TPM3: variants seen among roughly 807,000 people sequenced by gnomAD.
TPM3 encodes tropomyosin 3.
TPM3 carries 16 observed loss-of-function variants against 43.1 expected under a neutral mutation model. That is an observed-to-expected ratio of 0.37 (90% CI 0.25 to 0.56). The LOEUF is 0.56. Ranked by LOEUF, TPM3 falls within the 20% of genes least tolerant of loss-of-function variation. The pLI is 0.77. For synonymous variants in TPM3, 101 were observed against 116.9 expected (o/e 0.86, Z 0.88); for missense variants, 176 against 337.2 (o/e 0.52, Z 3.74).
chr1:154,156,142 G>C (rs1659786139), downstream of TPM3: 1 of 172,412 alleles, frequency 5.8e-6, no homozygotes, highest in Admixed American at 6.4e-5. Context: ...TGAGGCAGGA[G>C]AATCTCTTGA....
At chr1:154,191,139 A>G (rs756363504) in intron 2 of TPM3, 47 bp downstream of exon 2, 6 of 1,613,794 alleles carry the variant, frequency 3.7e-6, no homozygotes, top group Non-Finnish European at 4.2e-6. Context: ...TAACATAAAG[A>G]TCTATATGTG....
intron 2 of TPM3, among the ~76,000 whole-genome samples, chr1:154,188,866 C>G (rs1663535167): frequency 6.6e-6 from 1 of 151,170 alleles, no homozygotes; most frequent in African/African-American, 2.5e-5. Context: ...CATGGTGGCT[C>G]ACATCTGTAA....
At chr1:154,174,429 G>C (rs1315147028) in intron 3 of TPM3, among the ~76,000 whole-genome samples, 1 of 99,938 alleles carries the variant, frequency 1.0e-5, no homozygotes, top group African/African-American at 3.9e-5. Context: ...TCCCATCCCA[G>C]CTTCCCCAAA....
chr1:154,171,561 T>C (rs976813093), intron 5 of TPM3, 73 bp from the exon 6 acceptor site: 13 of 1,508,902 alleles, frequency 8.6e-6, no homozygotes, highest in Middle Eastern at 1.7e-4. Context: ...GAGAGACACA[T>C]AGACGTGAAT....
At chr1:154,172,691 C>T (rs1661737032) in intron 5 of TPM3, 2 of 624,832 alleles carry the variant, frequency 3.2e-6, no homozygotes, top group Non-Finnish European at 2.8e-6. Flanking sequence ...ACCCTACCAA[C>T]AAAAAATAAG....
Position 154,181,347 on chromosome 1 carries a change from C to CA in TPM3, c.244-5100dup, listed in dbSNP as rs924410437. ...TTCTGAAATCCACCCCTCCCCCTCCCAAAAACATTCTCAGTTATTTCCCAG... is the reference window on the plus strand; with the variant it reads ...TTCTGAAATCCACCCCTCCCCCTCCCAAAAAACATTCTCAGTTATTTCCCAG... On this transcript the variant is annotated intron_variant, in intron 2 of 9. Transcript: ENST00000651641. 2.6e-5 allele frequency among the ~76,000 whole-genome samples: 4 copies of CA among 152,260 alleles called. No individual in the cohort carries two copies. In the South Asian group the frequency reaches 6.2e-4, roughly 24 times the overall value.
At chr1:154,172,714 G>A (rs1163433515) in intron 5 of TPM3, 194 bp downstream of exon 5, 3 of 687,798 alleles carry the variant, frequency 4.4e-6, no homozygotes, top group Non-Finnish European at 7.7e-6. Flanking sequence ...AGCCTCTTTT[G>A]TCACTTGTCA....
intron 9 of TPM3, among the ~76,000 whole-genome samples, chr1:154,168,729 T>C (rs1019521602): frequency 1.3e-5 from 2 of 152,208 alleles, no homozygotes; most frequent in African/African-American, 4.8e-5. Context: ...TTTTGCCATG[T>C]TGGCCAGGCT....
downstream of TPM3, among the ~76,000 whole-genome samples, chr1:154,160,383 TTGAC>T (rs1255478227): frequency 1.3e-5 from 2 of 152,220 alleles, no homozygotes; most frequent in Admixed American, 6.5e-5. Flanking sequence ...TCTCCCCAGA[TTGAC>T]TGGGAAGCTA....
chr1:154,182,982 C>A, intron 2 of TPM3: 1 of 1,611,024 alleles, frequency 6.2e-7, no homozygotes, highest in Non-Finnish European at 8.5e-7. Flanking sequence ...CTCACCATCT[C>A]CGTACCTGTT....
chr1:154,179,287 AAGGCGG>A (rs1177375139), intron 2 of TPM3, among the ~76,000 whole-genome samples: 1 of 152,210 alleles, frequency 6.6e-6, no homozygotes, highest in Non-Finnish European at 1.5e-5. Flanking sequence ...ACAGTAAACA[AAGGCGG>A]AGCCTAAGCA....
chr1:154,170,260 T>A, intron 8 of TPM3, 140 bp downstream of exon 8: 1 of 879,252 alleles, frequency 1.1e-6, no homozygotes, highest in East Asian at 2.5e-5. Flanking sequence ...TGCCTAGCTG[T>A]GGCATAGGAC....
intron 2 of TPM3, chr1:154,183,211 C>T (rs758109396): frequency 1.9e-6 from 3 of 1,571,764 alleles, no homozygotes; most frequent in East Asian, 2.3e-5. Context: ...CCTGCTACGC[C>T]CTGAAATACC....
At chr1:154,160,804 C>G (rs1361169547), downstream of TPM3, among the ~76,000 whole-genome samples, 1 of 152,118 alleles carries the variant, frequency 6.6e-6, no homozygotes, top group African/African-American at 2.4e-5. Context: ...CCAAAATGCT[C>G]CAAAATCTGA....
At position 154,170,703 on chromosome 1, in the gene TPM3, T is replaced by C; in HGVS notation, c.651A>G (p.Gln217=). The C allele has an allele frequency of 6.2e-7, 1 of 1,606,480 alleles. No homozygotes were observed. The highest frequency in any genetic ancestry group is 8.5e-7 in the Non-Finnish European group (1 of 1,174,172). Residue 217 remains glutamine, a synonymous_variant, in exon 7 of 10, where the codon CAA becomes CAG. Transcript: ENST00000651641. ...SLEAQAEKYS[Q]KEDKYEEEIK... The stretch of plus-strand genomic sequence containing the variant: ...TTTCTTCCTCATATTTATCTTCTTT[T>C]TGAGAGTACTGTAAGATAAGTAGAT...
intron 8 of TPM3, chr1:154,169,662 G>C (rs1356967289): frequency 3.7e-6 from 2 of 543,200 alleles, no homozygotes; most frequent in African/African-American, 3.8e-5. Context: ...AAGCACTCAA[G>C]AGGATACCAC....
rs1660596479 is a variant in TPM3, at chr1:154,163,442, A to G, written c.*4495T>C. 6.6e-6 allele frequency among the ~76,000 whole-genome samples: 1 copy of G among 152,124 alleles called. No homozygotes were observed. Among genetic ancestry groups the G allele is most frequent in the Non-Finnish European group, 1.5e-5 (1 of 68,022 alleles). On this transcript the variant is annotated 3_prime_UTR_variant, in exon 10 of 10. Transcript: ENST00000651641. ...AATGACTCCTCCTCTTCACTTCTTA[A>G]CACTCAAAATGTACCCTCAAATTAC...
chr1:154,171,318 T>C (rs922573491), intron 6 of TPM3, 95 bp downstream of exon 6: 7 of 1,330,934 alleles, frequency 5.3e-6, no homozygotes, highest in South Asian at 1.2e-5. Context: ...CACGCCTCAC[T>C]GGATTATATA....
Position 154,170,905 on chromosome 1 carries a change from C to A in TPM3, c.643-194G>T, listed in dbSNP as rs527498604. ...ATCTATGTCTTTAGAGCCATGAGAT[C>A]CTCAGGTTAAAATTCTCCATGACTT... On this transcript the variant is annotated intron_variant, in intron 6 of 9. Coordinates refer to ENST00000651641, the MANE Select transcript of TPM3 (RefSeq NM_152263.4). 20 of 604,732 alleles carry A rather than the reference C, an allele frequency of 3.3e-5. No individual in the cohort carries two copies. In the Admixed American group the frequency reaches 4.6e-4, roughly 14 times the overall value. 37.5% of individuals were successfully genotyped at this position (604,732 alleles called of 1,614,324 possible). A position where few individuals can be genotyped will look rare whatever the true frequency, so the allele number is the denominator to read the frequency against.
Sources: gnomAD v4.1 joint callset for allele counts (sites outside exome capture counted in the v4.1 genomes callset) on GRCh38, gnomAD v4.1.1 for gene constraint, MANE v1.5 for transcripts, NCBI Gene and HGNC (gene_info 2026-07-23, HGNC 2026-07-21) for gene names.